The following SEL1L variants were observed in gnomAD, a reference collection of about 807,000 sequenced individuals.
SEL1L encodes SEL1L adaptor subunit of SYVN1 ubiquitin ligase.
In SEL1L, 52 loss-of-function variants were observed where a neutral mutation model predicts 109.8. The observed-to-expected ratio is 0.47, with a 90% CI of 0.38 to 0.60. The LOEUF (loss-of-function observed/expected upper bound fraction) is 0.60, where lower values mean the gene tolerates loss of function less well. Among genes scored for constraint, SEL1L ranks in the 20% least tolerant of loss-of-function variants. The pLI, the probability that SEL1L is intolerant of heterozygous loss-of-function variation, is 0.00. For missense variants in SEL1L, 749 were observed against 962.2 expected, an observed-to-expected ratio of 0.78 and a Z score of 2.93; for synonymous variants, 373 against 339.6, an observed-to-expected ratio of 1.10 and a Z score of -1.08.
intron 8 of SEL1L, 188 bp from the exon 9 acceptor site, chr14:81,498,682 C>G (rs1883882689): frequency 1.9e-6 from 1 of 522,638 alleles, no homozygotes; most frequent in Non-Finnish European, 3.4e-6. Flanking sequence ...AAGGCCATAG[C>G]TAAGAGCAAG....
intron 3 of SEL1L, among the ~76,000 whole-genome samples, chr14:81,525,609 AC>A (rs1394446453): frequency 6.6e-6 from 1 of 152,126 alleles, no homozygotes; most frequent in Admixed American, 6.6e-5. Context: ...TTAAACTTTT[AC>A]ATCCAATTCA....
In SEL1L at chr14:81,472,694, T is replaced by A. The variant is rs796107614; in HGVS notation, c.*4278A>T. 1.9e-5 allele frequency: 6 copies of A among 311,318 alleles called. No homozygotes were observed. Among genetic ancestry groups the A allele is most frequent in the African/African-American group, 1.3e-4 (6 of 44,450 alleles). 19.3% of individuals were successfully genotyped at this position (311,318 alleles called of 1,614,324 possible). A position where few individuals can be genotyped will look rare whatever the true frequency, so the allele number is the denominator to read the frequency against. On this transcript the variant is annotated 3_prime_UTR_variant, in exon 21 of 21. Coordinates refer to ENST00000336735, the MANE Select transcript of SEL1L (RefSeq NM_005065.6). Reference sequence around the variant, plus strand: ...CTTCAAGACAAAGATATCAGAGATTTAAAAGATAACATTTCTTAGCAAATT... The same window carrying A: ...CTTCAAGACAAAGATATCAGAGATTAAAAAGATAACATTTCTTAGCAAATT...
At chr14:81,485,899 TA>T (rs1193262157) in intron 17 of SEL1L, among the ~76,000 whole-genome samples, 153 bp from the exon 18 acceptor site, 1 of 152,216 alleles carries the variant, frequency 6.6e-6, no homozygotes, top group Non-Finnish European at 1.5e-5. Context: ...ATTACTGAAC[TA>T]AAATAGTGAG....
chr14:81,512,189 C>A (rs891476074), intron 3 of SEL1L, among the ~76,000 whole-genome samples: 2 of 152,110 alleles, frequency 1.3e-5, no homozygotes, highest in African/African-American at 2.4e-5. Flanking sequence ...AGCAGATTAT[C>A]CTCCATGATG....
At chr14:81,523,732 G>C (rs903880984) in intron 3 of SEL1L, among the ~76,000 whole-genome samples, 2 of 152,140 alleles carry the variant, frequency 1.3e-5, no homozygotes, top group African/African-American at 4.8e-5. Context: ...GCTATCTCCA[G>C]GTAGTGTCAG....
chr14:81,502,960 G>A lies in SEL1L; in HGVS notation c.615-77C>T, dbSNP rs1884075008. On this transcript the variant is annotated intron_variant, in intron 5 of 20. Coordinates refer to ENST00000336735, the MANE Select transcript of SEL1L (RefSeq NM_005065.6). ...TTAAGTTTTTTTGATCTACTAAAACGCAACATAAATAATTTCCTTATGTTA... is the reference window on the plus strand; with the variant it reads ...TTAAGTTTTTTTGATCTACTAAAACACAACATAAATAATTTCCTTATGTTA... 55 of 1,147,382 alleles carry A rather than the reference G, an allele frequency of 4.8e-5. No individual in the cohort carries two copies. The South Asian group carries it at 5.9e-4, about 12-fold the overall frequency. The allele number at this position is 1,147,382 out of a possible 1,614,324, so 71.1% of individuals were successfully genotyped here. A position where few individuals can be genotyped will look rare whatever the true frequency, so the allele number is the denominator to read the frequency against.
chr14:81,533,086 A>C (rs1885397188), intron 1 of SEL1L, among the ~76,000 whole-genome samples: 1 of 152,214 alleles, frequency 6.6e-6, no homozygotes, highest in Non-Finnish European at 1.5e-5. Flanking sequence ...GTCAACAAAC[A>C]TGGGGCAACT....
intron 3 of SEL1L, among the ~76,000 whole-genome samples, chr14:81,511,700 T>C (rs942474716): frequency 9.2e-5 from 14 of 152,268 alleles, no homozygotes; most frequent in African/African-American, 3.4e-4. Context: ...CCATCCCCAT[T>C]TAAGCAACAA....
chr14:81,501,462 G>A (rs1024905468), intron 6 of SEL1L, among the ~76,000 whole-genome samples: 1 of 152,030 alleles, frequency 6.6e-6, no homozygotes, highest in African/African-American at 2.4e-5. Flanking sequence ...ACTGATTCAC[G>A]CAAAGAAGAG....
In SEL1L at chr14:81,484,455, A is replaced by G. The variant is rs980523709; in HGVS notation, c.1874-58T>C. On this transcript the variant is annotated intron_variant, in intron 18 of 20. Transcript: ENST00000336735. ...AAATAAAGTATGTTTAAAACAGATCAAACTTTTTTCTCCTCCCATTGACAT... is the reference window on the plus strand; with the variant it reads ...AAATAAAGTATGTTTAAAACAGATCGAACTTTTTTCTCCTCCCATTGACAT... The G allele has an allele frequency of 1.3e-5, 20 of 1,487,828 alleles. No homozygotes were observed. The Admixed American group carries it at 3.8e-4, about 28-fold the overall frequency. The allele number at this position is 1,487,828 out of a possible 1,614,324, so 92.2% of individuals were successfully genotyped here. A position where few individuals can be genotyped will look rare whatever the true frequency, so the allele number is the denominator to read the frequency against.
intron 19 of SEL1L, among the ~76,000 whole-genome samples, chr14:81,482,141 T>C (rs1443220303): frequency 6.6e-6 from 1 of 152,202 alleles, no homozygotes; most frequent in Non-Finnish European, 1.5e-5. Context: ...CCCCCTACTC[T>C]TATCAAAGGA....
intron 3 of SEL1L, among the ~76,000 whole-genome samples, chr14:81,515,526 T>TCACATCCATACA (rs1360226457): frequency 6.6e-6 from 1 of 152,190 alleles, no homozygotes; most frequent in Non-Finnish European, 1.5e-5. Context: ...GGATCCCCAC[T>TCACATCCATACA]GGGATCTAGA....
intron 3 of SEL1L, among the ~76,000 whole-genome samples, chr14:81,514,473 G>A (rs1056538907): frequency 1.3e-5 from 2 of 152,092 alleles, no homozygotes; most frequent in South Asian, 4.1e-4. Context: ...GTTGTTAAGG[G>A]TCACTAAATC....
At chr14:81,495,446 G>C (rs1457437505) in intron 10 of SEL1L, among the ~76,000 whole-genome samples, 1 of 152,114 alleles carries the variant, frequency 6.6e-6, no homozygotes, top group Non-Finnish European at 1.5e-5. Context: ...GAACAACTTG[G>C]GCAACATCGC....
intron 2 of SEL1L, among the ~76,000 whole-genome samples, 165 bp downstream of exon 2, chr14:81,527,536 T>C (rs1885160919): frequency 6.6e-6 from 1 of 152,074 alleles, no homozygotes; most frequent in Non-Finnish European, 1.5e-5. Flanking sequence ...AATTTTTTCT[T>C]CCTCCAGAAA....
chr14:81,494,780 T>G (rs777514493), intron 11 of SEL1L, among the ~76,000 whole-genome samples: 3 of 152,246 alleles, frequency 2.0e-5, no homozygotes, highest in Non-Finnish European at 2.9e-5. Flanking sequence ...AATTTATATT[T>G]GGTGTGATCA....
chr14:81,486,152 C>T (rs1023153286), intron 17 of SEL1L, 137 bp downstream of exon 17: 4 of 855,502 alleles, frequency 4.7e-6, no homozygotes, highest in South Asian at 3.9e-5. Flanking sequence ...ATATTAATAA[C>T]TTAAGCCTGT....
chr14:81,496,469 G>A (rs535480713), intron 10 of SEL1L, among the ~76,000 whole-genome samples: 29 of 152,314 alleles, frequency 1.9e-4, no homozygotes, highest in Non-Finnish European at 3.8e-4. Context: ...GCTAGGTGTG[G>A]TGGCTAATGC....
At chr14:81,491,158 G>T (rs1461221401) in intron 12 of SEL1L, among the ~76,000 whole-genome samples, 1 of 152,182 alleles carries the variant, frequency 6.6e-6, no homozygotes, top group East Asian at 1.9e-4. Flanking sequence ...CAAGGAAAGG[G>T]GAAGCTGCTT....
Sources: gnomAD v4.1 joint callset for allele counts (sites outside exome capture counted in the v4.1 genomes callset) on GRCh38, gnomAD v4.1.1 for gene constraint, MANE v1.5 for transcripts, NCBI Gene and HGNC (gene_info 2026-07-23, HGNC 2026-07-21) for gene names.